The following AGAP1 variants were observed in gnomAD, a reference collection of about 807,000 sequenced individuals.
AGAP1 encodes the protein arf-GAP with GTPase, ANK repeat and PH domain-containing protein 1.
In AGAP1, 29 loss-of-function variants were observed where a neutral mutation model predicts 105.3. That is an observed-to-expected ratio of 0.28 (90% CI 0.21 to 0.38). The LOEUF (loss-of-function observed/expected upper bound fraction) is 0.38. Ranked by LOEUF, AGAP1 falls within the 10% of genes least tolerant of loss-of-function variation. AGAP1 has a pLI of 1.00. For missense variants in AGAP1, 998 were observed against 1,165.1 expected (o/e 0.86, Z 2.09); for synonymous variants, 509 against 485.9 (o/e 1.05, Z -0.63).
At chr2:235,540,385 T>G (rs547940299) in intron 1 of AGAP1, among the ~76,000 whole-genome samples, 64 of 152,282 alleles carry the variant, frequency 4.2e-4, no homozygotes, top group African/African-American at 1.4e-3. Flanking sequence ...ACTCCTGATC[T>G]CAGGTGATCC....
chr2:235,731,868 G>A (rs1197566945), intron 3 of AGAP1, among the ~76,000 whole-genome samples: 1 of 152,112 alleles, frequency 6.6e-6, no homozygotes, highest in African/African-American at 2.4e-5. Flanking sequence ...AGGAAGATTT[G>A]AGCTGGGTGG....
rs376327599 is a variant in AGAP1, at chr2:235,569,086, C to T, written c.163+74237C>T. Among the ~76,000 whole-genome samples, 24 of 152,178 alleles carry T rather than the reference C, an allele frequency of 1.6e-4. No homozygotes were observed. The highest frequency in any genetic ancestry group is 5.5e-4 in the African/African-American group (23 of 41,446). ...TGGGACATGGACATTTTGGGGGACC[C>T]ATGATTCAGTTTCCCTCACGTTGTC... On this transcript the variant is annotated intron_variant, in intron 1 of 17. Transcript: ENST00000304032. This position sits in a 1 kb window ranked among gnomAD's most constrained non-coding sequence, Gnocchi z 5.9.
intron 13 of AGAP1, among the ~76,000 whole-genome samples, chr2:236,018,031 A>G (rs2056764406): frequency 6.6e-6 from 1 of 152,242 alleles, no homozygotes; most frequent in Non-Finnish European, 1.5e-5. Context: ...ACAAGATTAA[A>G]AAACAAAAAT....
rs1397237737 is a variant in AGAP1 at position 235,824,419 on chromosome 2, A to G, written c.1050+17088A>G. 6.6e-6 allele frequency among the ~76,000 whole-genome samples: 1 copy of G among 152,246 alleles called. No individual in the cohort carries two copies. Among genetic ancestry groups the G allele is most frequent in the African/African-American group, 2.4e-5 (1 of 41,466 alleles). On this transcript the variant is annotated intron_variant, in intron 9 of 17. Coordinates refer to ENST00000304032, the MANE Select transcript of AGAP1 (RefSeq NM_001037131.3). The surrounding 1 kb of genome is among the most constrained non-coding windows in gnomAD (Gnocchi z 5.2). ...CCAGTGTAATTAAATATTTCAGAGCACTTGGCTACAGTAGCATTGAACTGT... is the reference window on the plus strand; with the variant it reads ...CCAGTGTAATTAAATATTTCAGAGCGCTTGGCTACAGTAGCATTGAACTGT...
At chr2:235,554,669 A>G (rs1284849305) in intron 1 of AGAP1, among the ~76,000 whole-genome samples, 2 of 152,076 alleles carry the variant, frequency 1.3e-5, no homozygotes, top group African/African-American at 2.4e-5. Flanking sequence ...AAAATCACGG[A>G]ACCATTTCTT....
chr2:235,833,537 A>G (rs908444), intron 9 of AGAP1, among the ~76,000 whole-genome samples: 69,332 of 149,962 alleles, frequency 0.46, 18,399 homozygotes, highest in East Asian at 0.8. Context: ...TCTCCTCATC[A>G]CCCCGCCCCC....
At chr2:235,504,798 G>C (rs1371823934) in intron 1 of AGAP1, among the ~76,000 whole-genome samples, 1 of 152,192 alleles carries the variant, frequency 6.6e-6, no homozygotes, top group African/African-American at 2.4e-5. Context: ...TCTTTCAGTT[G>C]TTTGTTCATA....
intron 1 of AGAP1, among the ~76,000 whole-genome samples, chr2:235,629,268 T>TTGTGTG (rs60059513): frequency 3.8e-3 from 518 of 135,784 alleles, no homozygotes; most frequent in Non-Finnish European, 5.9e-3. Flanking sequence ...GTAGTAGTCA[T>TTGTGTG]TGTGTGTGTG....
intron 1 of AGAP1, among the ~76,000 whole-genome samples, chr2:235,560,511 T>A (rs1464745723): frequency 6.6e-6 from 1 of 152,120 alleles, no homozygotes; most frequent in Non-Finnish European, 1.5e-5. Flanking sequence ...TTGAGATGGA[T>A]GATCTTGTGG....
At chr2:235,757,532 T>C (rs1005124638) in intron 6 of AGAP1, among the ~76,000 whole-genome samples, 2 of 152,244 alleles carry the variant, frequency 1.3e-5, no homozygotes, top group African/African-American at 4.8e-5. Context: ...GTCAGTCCTT[T>C]GACCTCATTG....
intron 1 of AGAP1, among the ~76,000 whole-genome samples, chr2:235,607,514 G>T (rs1054164780): frequency 6.6e-6 from 1 of 152,200 alleles, no homozygotes; most frequent in African/African-American, 2.4e-5. Flanking sequence ...CCGTTGGCCT[G>T]GGTGGAGCCC....
rs1400247703 is a variant in AGAP1 at position 235,724,778 on chromosome 2, A to G, written c.310+7134A>G. Among the ~76,000 whole-genome samples, 4 of 149,948 alleles carry G rather than the reference A, an allele frequency of 2.7e-5. No homozygotes were observed. Among genetic ancestry groups the G allele is most frequent in the Non-Finnish European group, 6.0e-5 (4 of 67,154 alleles). ...AGGCTCGACAGTTCCCTAACTCAGG[A>G]AAGTCGAGTTTCTGAGCATAAGTCA... On this transcript the variant is annotated intron_variant, in intron 3 of 17. Transcript: ENST00000304032. This position sits in a 1 kb window ranked among gnomAD's most constrained non-coding sequence, Gnocchi z 4.9.
rs555116800 is a variant in AGAP1 at position 235,751,798 on chromosome 2, T to C, written c.673+1310T>C. On this transcript the variant is annotated intron_variant, in intron 6 of 17. Coordinates refer to ENST00000304032, the MANE Select transcript of AGAP1 (RefSeq NM_001037131.3). This position sits in a 1 kb window ranked among gnomAD's most constrained non-coding sequence, Gnocchi z 5.3. Reference sequence around the variant, plus strand: ...GTTACTGCTTCATGGCTTAGGTTTCTTCTCGCCTTATCCAGTGCCAATGCT... The same window carrying C: ...GTTACTGCTTCATGGCTTAGGTTTCCTCTCGCCTTATCCAGTGCCAATGCT... Among the ~76,000 whole-genome samples, 2 of 152,322 alleles carry C rather than the reference T, an allele frequency of 1.3e-5. No homozygotes were observed. Among genetic ancestry groups the C allele is most frequent in the Admixed American group, 1.3e-4 (2 of 15,300 alleles).
chr2:235,657,279 G>T (rs999319207), intron 1 of AGAP1, among the ~76,000 whole-genome samples: 1 of 152,146 alleles, frequency 6.6e-6, no homozygotes, highest in Non-Finnish European at 1.5e-5. Flanking sequence ...TGTTTATGTC[G>T]CTATTTGAGT....
At chr2:235,678,427 G>T (rs1409966240) in intron 1 of AGAP1, among the ~76,000 whole-genome samples, 1 of 152,182 alleles carries the variant, frequency 6.6e-6, no homozygotes, top group Admixed American at 6.5e-5. Context: ...AAAGATTGGG[G>T]CTCAGAATTA....
At chr2:235,646,611 G>A (rs996307787) in intron 1 of AGAP1, among the ~76,000 whole-genome samples, 9 of 152,116 alleles carry the variant, frequency 5.9e-5, no homozygotes, top group Non-Finnish European at 8.8e-5. Context: ...TTGGTGTGTC[G>A]CTTCTCTCCC....
Position 235,746,042 on chromosome 2 carries a change from C to T in AGAP1, c.538+1203C>T, listed in dbSNP as rs1474414302. On this transcript the variant is annotated intron_variant, in intron 5 of 17. Transcript: ENST00000304032. ...TCAGGAGGCTGAGGCAGGAGGATCACTTGAACCCAGGAAGCAGAGGTTGCA... is the reference window on the plus strand; with the variant it reads ...TCAGGAGGCTGAGGCAGGAGGATCATTTGAACCCAGGAAGCAGAGGTTGCA... Among the ~76,000 whole-genome samples, 4 of 152,240 alleles carry T rather than the reference C, an allele frequency of 2.6e-5. No homozygotes were observed. The East Asian group carries it at 5.8e-4, about 22-fold the overall frequency.
In AGAP1 at chr2:235,555,825, G is replaced by A. The variant is rs1943955390; in HGVS notation, c.163+60976G>A. On this transcript the variant is annotated intron_variant, in intron 1 of 17. Coordinates refer to ENST00000304032, the MANE Select transcript of AGAP1 (RefSeq NM_001037131.3). This position sits in a 1 kb window ranked among gnomAD's most constrained non-coding sequence, Gnocchi z 5.1. The stretch of plus-strand genomic sequence containing the variant: ...CAGAAGTTAAATAGTGACTTGGTTC[G>A]GGGTCATGCCATGTGTGTGAGGCCT... 6.6e-6 allele frequency among the ~76,000 whole-genome samples: 1 copy of A among 152,160 alleles called. No homozygotes were observed. The highest frequency in any genetic ancestry group is 1.5e-5 in the Non-Finnish European group (1 of 68,034).
At position 235,719,567 on chromosome 2, in the gene AGAP1, G is replaced by A. The variant is rs1417003093; in HGVS notation, c.310+1923G>A. ...CATTTTACTGCACTGAAATTTCATA[G>A]TATTGTGTATGGTTTTTAAAAATAC... On this transcript the variant is annotated intron_variant, in intron 3 of 17. Transcript: ENST00000304032. This position sits in a 1 kb window ranked among gnomAD's most constrained non-coding sequence, Gnocchi z 4.9. 6.6e-6 allele frequency among the ~76,000 whole-genome samples: 1 copy of A among 152,196 alleles called. No homozygotes were observed. The highest frequency in any genetic ancestry group is 1.5e-5 in the Non-Finnish European group (1 of 68,032).
Sources: gnomAD v4.1 joint callset for allele counts (sites outside exome capture counted in the v4.1 genomes callset) on GRCh38, gnomAD v4.1.1 for gene constraint, Gnocchi (gnomAD v3.1) non-coding constraint, MANE v1.5 for transcripts, NCBI Gene and HGNC (gene_info 2026-07-23, HGNC 2026-07-21) for gene names.